The following SYMPK variants were observed in gnomAD, a reference collection of about 807,000 sequenced individuals.
SYMPK encodes the protein symplekin.
In SYMPK, 49 loss-of-function variants were observed where a neutral mutation model predicts 136.4. The ratio of observed to expected loss-of-function variants is 0.36; its 90% CI spans 0.29 to 0.46. SYMPK has a LOEUF of 0.46. SYMPK is among the 20% of genes least tolerant of loss of function. SYMPK has a pLI of 1.00. For missense variants in SYMPK, 1,365 were observed against 1,690.0 expected (o/e 0.81, Z 3.37); for synonymous variants, 766 against 713.0 (o/e 1.07, Z -1.19).
rs962119819 is a variant in SYMPK, at chr19:45,816,074, T to C, written c.3464A>G (p.Glu1155Gly). ...TCCTCCCGGCTTCAGCTTCTGTTCC[T>C]CCTCCAGCTGCCGCTTTAAGGCCTT... ...QEKALKRQLE[E>G]EQKLKPGGVG... is the part of the protein sequence containing the mutation. Residue 1155 changes from glutamate (E) to glycine (G), a missense_variant, in exon 26 of 27, where the codon GAG becomes GGG. Physicochemically the swap from Glu to Gly is moderately conservative, Grantham distance 98. Around this residue, in one of 11 missense-constraint regions of SYMPK, gnomAD observed 341 missense variants for 270.5 expected, o/e 1.26. Transcript: ENST00000245934. The C allele has an allele frequency of 4.0e-5, 63 of 1,559,488 alleles. No individual in the cohort carries two copies. The highest frequency in any genetic ancestry group is 4.9e-5 in the Non-Finnish European group (57 of 1,151,866).
At chr19:45,842,554 T>C (rs535322294) in intron 8 of SYMPK, 65 bp from the exon 9 acceptor site, 1 of 1,580,042 alleles carries the variant, frequency 6.3e-7, no homozygotes, top group Admixed American at 1.7e-5. Context: ...CAGTCTTAAT[T>C]CTCAACCCCA....
chr19:45,844,015 A>C lies in SYMPK; in HGVS notation c.847+15T>G, dbSNP rs781148031. The C allele has an allele frequency of 3.1e-6, 4 of 1,309,568 alleles. No homozygotes were observed. In the South Asian group the frequency reaches 6.4e-5, roughly 21 times the overall value. The allele number at this position is 1,309,568 out of a possible 1,614,324, so 81.1% of individuals were successfully genotyped here. Reference sequence around the variant, plus strand: ...TGAAGAGAAGGCAGGGGGAGGGGGGAGGACAATGACCTACCATGCAGAGTT... The same window carrying C: ...TGAAGAGAAGGCAGGGGGAGGGGGGCGGACAATGACCTACCATGCAGAGTT... On this transcript the variant is annotated intron_variant, in intron 8 of 26. Coordinates refer to ENST00000245934, the MANE Select transcript of SYMPK (RefSeq NM_004819.3).
At chr19:45,842,143 C>T (rs1971454930) in intron 9 of SYMPK, 107 bp downstream of exon 9, 2 of 1,525,768 alleles carry the variant, frequency 1.3e-6, no homozygotes, top group African/African-American at 2.7e-5. Flanking sequence ...GCCCACATAA[C>T]ATAATCTATA....
intron 10 of SYMPK, among the ~76,000 whole-genome samples, chr19:45,836,359 G>A (rs1008144726): frequency 2.0e-5 from 3 of 152,026 alleles, no homozygotes; most frequent in Admixed American, 2.0e-4. Flanking sequence ...TACTGGGCAC[G>A]GTGGCTCATG....
At chr19:45,847,133 A>T (rs933590445) in intron 7 of SYMPK, among the ~76,000 whole-genome samples, 3 of 152,008 alleles carry the variant, frequency 2.0e-5, no homozygotes, top group Admixed American at 2.0e-4. Flanking sequence ...GAAAACTGTA[A>T]AACTGCCCGG....
Position 45,831,448 on chromosome 19 carries a change from G to GC in SYMPK, c.1533_1534insG (p.Leu512AlafsTer62). On this transcript the variant is annotated frameshift_variant, in exon 12 of 27. Coordinates refer to ENST00000245934, the MANE Select transcript of SYMPK (RefSeq NM_004819.3). LOFTEE classifies it high-confidence loss of function. ...TTGGCCTGCGGTGCCTCTTCCTCCAGGGGGGACATGGAGCTCAGGGAACCC... is the reference window on the plus strand; with the variant it reads ...TTGGCCTGCGGTGCCTCTTCCTCCAGCGGGGGACATGGAGCTCAGGGAACCC... 1 of 1,607,196 alleles carries GC rather than the reference G, an allele frequency of 6.2e-7. No individual in the cohort carries two copies. The highest frequency in any genetic ancestry group is 1.3e-5 in the African/African-American group (1 of 74,822).
chr19:45,823,751 G>C lies in SYMPK; in HGVS notation c.2599+16C>G. Reference sequence around the variant, plus strand: ...GAGGGAGGAAAGCCATGAAAGGTGGGGGTCTCCAGGGTCACCTTTGTCTGT... The same window carrying C: ...GAGGGAGGAAAGCCATGAAAGGTGGCGGTCTCCAGGGTCACCTTTGTCTGT... On this transcript the variant is annotated intron_variant, in intron 19 of 26. Transcript: ENST00000245934. 4 of 1,603,764 alleles carry C rather than the reference G, an allele frequency of 2.5e-6. No homozygotes were observed. In the Admixed American group the frequency reaches 5.0e-5, roughly 20 times the overall value.
At chr19:45,822,115 CTTTTTTT>C (rs141894331) in intron 21 of SYMPK, among the ~76,000 whole-genome samples, 5 of 86,122 alleles carry the variant, frequency 5.8e-5, no homozygotes, top group Non-Finnish European at 1.1e-4. Context: ...AGTTTTGCTT[CTTTTTTT>C]TTTTTTTTTT....
chr19:45,838,485 C>G lies in SYMPK; in HGVS notation c.1218G>C (p.Leu406=). The G allele has an allele frequency of 1.2e-6, 2 of 1,613,956 alleles. No homozygotes were observed. The highest frequency in any genetic ancestry group is 1.7e-6 in the Non-Finnish European group (2 of 1,179,886). The change falls in exon 10 of 27, where the codon CTG becomes CTC. Residue 406 remains leucine (L), a synonymous_variant. Coordinates refer to ENST00000245934, the MANE Select transcript of SYMPK (RefSeq NM_004819.3). ...CCAGATTAGCCACATTATCAGGCGT[C>G]AGCAGAGGCTGCAGGAACTCAGCTG... ...DITAEFLQPL[L]TPDNVANLVL... is the part of the protein sequence containing the mutation.
At position 45,816,490 on chromosome 19, in the gene SYMPK, A is replaced by C; in HGVS notation, c.3346T>G (p.Leu1116Val). 1 of 1,612,232 alleles carries C rather than the reference A, an allele frequency of 6.2e-7. No individual in the cohort carries two copies. Among genetic ancestry groups the C allele is most frequent in the South Asian group, 1.1e-5 (1 of 91,010 alleles). ...PEAKEAPAGPLEEDDLEPLTL... is the reference protein window; with the variant it reads ...PEAKEAPAGPVEEDDLEPLTL... Reference sequence around the variant, plus strand: ...GGCTGCAGGGCCCTCACCTCCTCCAAGGGCCCCGCAGGCGCCTCCTTGGCC... The same window carrying C: ...GGCTGCAGGGCCCTCACCTCCTCCACGGGCCCCGCAGGCGCCTCCTTGGCC... The change falls in exon 25 of 27, where the codon TTG (leucine) becomes GTG (valine). Residue 1116 changes from leucine to valine, a missense_variant. Physicochemically the swap from Leu to Val is conservative, Grantham distance 32. Coordinates refer to ENST00000245934, the MANE Select transcript of SYMPK (RefSeq NM_004819.3).
At chr19:45,844,768 G>A (rs895173323) in intron 7 of SYMPK, among the ~76,000 whole-genome samples, 1 of 152,070 alleles carries the variant, frequency 6.6e-6, no homozygotes, top group African/African-American at 2.4e-5. Flanking sequence ...ACAACTCAAA[G>A]TCCCTTGTGA....
At chr19:45,831,636 C>T (rs891680533) in intron 11 of SYMPK, 48 bp from the exon 12 acceptor site, 4 of 1,488,364 alleles carry the variant, frequency 2.7e-6, no homozygotes, top group Non-Finnish European at 3.6e-6. Flanking sequence ...GACCCACCTG[C>T]TCCAACCCGA....
intron 1 of SYMPK, chr19:45,855,951 C>G (rs1971812445): frequency 6.6e-6 from 1 of 151,542 alleles, no homozygotes. Context: ...GCCTGGGCAG[C>G]AGAGTGAGAA....
intron 14 of SYMPK, 95 bp from the exon 15 acceptor site, chr19:45,828,013 C>A (rs1971086924): frequency 1.8e-6 from 2 of 1,120,588 alleles, no homozygotes; most frequent in East Asian, 4.7e-5. Flanking sequence ...CCAGCAGGCC[C>A]TCCCTCAGGG....
At chr19:45,831,959 A>G (rs1436557119) in intron 11 of SYMPK, among the ~76,000 whole-genome samples, 2 of 152,196 alleles carry the variant, frequency 1.3e-5, no homozygotes, top group East Asian at 3.9e-4. Context: ...TCAGCCTCTC[A>G]GCCTCCCAAC....
At chr19:45,856,076 G>A (rs755456387) in intron 1 of SYMPK, among the ~76,000 whole-genome samples, 7 of 151,502 alleles carry the variant, frequency 4.6e-5, no homozygotes, top group Admixed American at 1.3e-4. Context: ...TGGTGAAGCC[G>A]GGCGCGGTGG....
intron 8 of SYMPK, 199 bp from the exon 9 acceptor site, chr19:45,842,688 A>C (rs1343040023): frequency 1.6e-6 from 1 of 633,628 alleles, no homozygotes; most frequent in Non-Finnish European, 2.6e-6. Flanking sequence ...GTATCAGTCA[A>C]TCTTAAAGAG....
In SYMPK at chr19:45,854,512, T is replaced by C; in HGVS notation, c.-12-5A>G. 2.5e-6 allele frequency: 4 copies of C among 1,611,608 alleles called. No homozygotes were observed. Among genetic ancestry groups the C allele is most frequent in the Middle Eastern group, 3.3e-4 (2 of 6,062 alleles). Reference sequence around the variant, plus strand: ...GCTCGCCATGGCTGCTGTCAGCTTGTCCCCAGGAAAGAAGAGGATGGATCA... The same window carrying C: ...GCTCGCCATGGCTGCTGTCAGCTTGCCCCCAGGAAAGAAGAGGATGGATCA... On this transcript the variant is annotated splice_region_variant and splice_polypyrimidine_tract_variant and intron_variant, in intron 1 of 26. Coordinates refer to ENST00000245934, the MANE Select transcript of SYMPK (RefSeq NM_004819.3).
intron 1 of SYMPK, among the ~76,000 whole-genome samples, chr19:45,857,279 G>A (rs1400630217): frequency 2.7e-5 from 4 of 150,280 alleles, no homozygotes; most frequent in African/African-American, 4.9e-5. Flanking sequence ...GCATGGTGGC[G>A]GGCGCCTGTA....
Sources: gnomAD v4.1 joint callset for allele counts (sites outside exome capture counted in the v4.1 genomes callset) on GRCh38, gnomAD v4.1.1 for gene constraint, gnomAD v4.1.1 regional missense constraint, MANE v1.5 for transcripts, NCBI Gene and HGNC (gene_info 2026-07-23, HGNC 2026-07-21) for gene names.